PDHX: variants seen among roughly 807,000 people sequenced by gnomAD.
PDHX encodes the protein pyruvate dehydrogenase protein X component, mitochondrial.
In PDHX, 33 loss-of-function variants were observed where a neutral mutation model predicts 55.3. That is an observed-to-expected ratio of 0.60 (90% CI 0.45 to 0.80). PDHX has a LOEUF of 0.80. Among genes scored for constraint, PDHX ranks in the 30% least tolerant of loss-of-function variants. The pLI is 0.00. For synonymous variants in PDHX, 226 were observed against 219.4 expected (o/e 1.03, Z -0.27); for missense variants, 622 against 619.9 (o/e 1.00, Z -0.04).
rs1855228745 is a variant in PDHX, at chr11:34,970,204, T to G, written c.882T>G (p.Ser294=). The G allele has an allele frequency of 1.2e-6, 2 of 1,612,714 alleles. No homozygotes were observed. The highest frequency in any genetic ancestry group is 8.5e-7 in the Non-Finnish European group (1 of 1,178,820). The change falls in exon 7 of 11, where the codon TCT becomes TCG. Residue 294 remains serine, a synonymous_variant. Coordinates refer to ENST00000227868, the MANE Select transcript of PDHX (RefSeq NM_003477.3). The part of the protein sequence containing the change: ...RRVIAKRLTE[S]KSTVPHAYAT... ...TTATTGCCAAGAGATTAACTGAATC[T>G]AAAAGTACTGTACCTCATGCATATG...
rs1254874895 is a variant in PDHX, at chr11:34,984,587, T to C, written c.1041T>C (p.Asn347=). Residue 347 remains asparagine, a synonymous_variant, in exon 9 of 11, where the codon AAT becomes AAC. Coordinates refer to ENST00000227868, the MANE Select transcript of PDHX (RefSeq NM_003477.3). ...AVTLKQMPDV[N]VSWDGEGPKQ... ...ATTTCTAGCAAATGCCAGATGTTAA[T>C]GTAAGCTGGGATGGAGAGGGCCCAA... The C allele has an allele frequency of 1.2e-6, 2 of 1,614,102 alleles. No homozygotes were observed. Among genetic ancestry groups the C allele is most frequent in the Non-Finnish European group, 1.7e-6 (2 of 1,179,974 alleles).
intron 3 of PDHX, among the ~76,000 whole-genome samples, chr11:34,956,981 T>C (rs1186593520): frequency 1.3e-5 from 2 of 152,208 alleles, no homozygotes; most frequent in African/African-American, 2.4e-5. Flanking sequence ...TTCTGAGCTT[T>C]TAGAATTCTA....
At chr11:34,940,022 G>A (rs1854434611) in intron 2 of PDHX, among the ~76,000 whole-genome samples, 1 of 151,920 alleles carries the variant, frequency 6.6e-6, no homozygotes, top group African/African-American at 2.4e-5. Flanking sequence ...TTCATCAATT[G>A]AACTGTCAAA....
chr11:34,960,655 T>C (rs1590753078), intron 5 of PDHX, 137 bp downstream of exon 5: 3 of 591,506 alleles, frequency 5.1e-6, no homozygotes, highest in Non-Finnish European at 9.1e-6. Context: ...TTTTAATTGC[T>C]TTTATCATTG....
intron 6 of PDHX, among the ~76,000 whole-genome samples, chr11:34,967,870 C>G (rs1855169583): frequency 6.6e-6 from 1 of 152,074 alleles, no homozygotes; most frequent in Admixed American, 6.5e-5. Context: ...TAAGGACATG[C>G]AGTTGGATAA....
chr11:34,956,441 C>G (rs1266708621), intron 3 of PDHX, among the ~76,000 whole-genome samples: 3 of 152,006 alleles, frequency 2.0e-5, no homozygotes, highest in Non-Finnish European at 4.4e-5. Context: ...TTCTATTGTT[C>G]ATTAAATACA....
intron 1 of PDHX, among the ~76,000 whole-genome samples, chr11:34,928,660 A>G (rs534929201): frequency 6.6e-6 from 1 of 152,270 alleles, no homozygotes; most frequent in South Asian, 2.1e-4. Flanking sequence ...TTATCTCCAA[A>G]TGCATTCAGT....
intron 9 of PDHX, among the ~76,000 whole-genome samples, chr11:34,991,115 A>T (rs1243373611): frequency 6.6e-6 from 1 of 150,784 alleles, no homozygotes; most frequent in African/African-American, 2.5e-5. Flanking sequence ...AAGTGAGAGG[A>T]AAATTTAACT....
chr11:34,990,257 G>A (rs1855730127), intron 9 of PDHX, among the ~76,000 whole-genome samples: 3 of 152,162 alleles, frequency 2.0e-5, no homozygotes, highest in Admixed American at 2.0e-4. Flanking sequence ...TCGATGTATT[G>A]TAGAAATATT....
At position 34,984,556 on chromosome 11, in the gene PDHX, TTTTCTA is replaced by T; in HGVS notation, c.1024-7_1024-2del. On this transcript the variant is annotated splice_polypyrimidine_tract_variant and splice_region_variant and intron_variant, in intron 8 of 10. Coordinates refer to ENST00000227868, the MANE Select transcript of PDHX (RefSeq NM_003477.3). ...GCTGCTTTTTTAGTAACATTTTTCT[TTTTCTA>T]TTTCTAGCAAATGCCAGATGTTAAT... The T allele has an allele frequency of 1.2e-6, 2 of 1,613,586 alleles. No individual in the cohort carries two copies. Among genetic ancestry groups the T allele is most frequent in the East Asian group, 2.2e-5 (1 of 44,836 alleles).
chr11:34,966,585 T>A, intron 5 of PDHX, 55 bp from the exon 6 acceptor site: 1 of 1,541,726 alleles, frequency 6.5e-7, no homozygotes, highest in Non-Finnish European at 9.0e-7. Flanking sequence ...TTTCTGAAAG[T>A]TCTGTTATAT....
chr11:34,969,934 A>C (rs2133983799), intron 6 of PDHX, among the ~76,000 whole-genome samples: 1 of 152,298 alleles, frequency 6.6e-6, no homozygotes, highest in South Asian at 2.1e-4. Context: ...TTCTGTAGTT[A>C]TATGCTATAA....
rs536860838 is a variant in PDHX at position 34,944,037 on chromosome 11, T to C, written c.242-3469T>C. Among the ~76,000 whole-genome samples the C allele has an allele frequency of 1.7e-4, 25 of 149,544 alleles. No homozygotes were observed. The Admixed American group carries it at 1.7e-3, about 10-fold the overall frequency. On this transcript the variant is annotated intron_variant, in intron 2 of 10. Transcript: ENST00000227868. ...GCTGTATCCTCAGTGCCTACATATGTATATATATTTTATATGTAATATATA... is the reference window on the plus strand; with the variant it reads ...GCTGTATCCTCAGTGCCTACATATGCATATATATTTTATATGTAATATATA...
At chr11:34,933,346 A>G (rs11032935) in intron 2 of PDHX, among the ~76,000 whole-genome samples, 28,800 of 152,102 alleles carry the variant, frequency 0.19, 3,893 homozygotes, top group African/African-American at 0.39. Context: ...GCCCTAATAG[A>G]TTATAACTGA....
chr11:34,981,527 T>G (rs1481513229), intron 8 of PDHX, among the ~76,000 whole-genome samples: 3 of 152,196 alleles, frequency 2.0e-5, no homozygotes, highest in South Asian at 2.1e-4. Context: ...GTAAAGGGAT[T>G]GCTGGGTCAA....
intron 10 of PDHX, among the ~76,000 whole-genome samples, chr11:34,993,455 C>G (rs1855797492): frequency 6.6e-6 from 1 of 152,058 alleles, no homozygotes; most frequent in South Asian, 2.1e-4. Flanking sequence ...CACAATTCAA[C>G]TGAAATTGGA....
chr11:34,975,527 A>G (rs1307961292), intron 7 of PDHX, among the ~76,000 whole-genome samples: 2 of 152,080 alleles, frequency 1.3e-5, no homozygotes, highest in Non-Finnish European at 2.9e-5. Context: ...CAAAATATAT[A>G]TTTTTTATCT....
rs1854174126 is a variant in PDHX at position 34,931,610 on chromosome 11, GTAGT to G, written c.241+129_241+132del. The G allele has an allele frequency of 1.2e-5, 8 of 649,188 alleles. No individual in the cohort carries two copies. The East Asian group carries it at 2.0e-4, about 16-fold the overall frequency. The allele number at this position is 649,188 out of a possible 1,614,324, so 40.2% of individuals were successfully genotyped here. A position where few individuals can be genotyped will look rare whatever the true frequency, so the allele number is the denominator to read the frequency against. ...AAATTAAATAAATTGTGTTCCTTTGGTAGTTAATGTAAGTTTGGTTGAATAAAAT... is the reference window on the plus strand; with the variant it reads ...AAATTAAATAAATTGTGTTCCTTTGGTAATGTAAGTTTGGTTGAATAAAAT... On this transcript the variant is annotated intron_variant, in intron 2 of 10. Transcript: ENST00000227868.
intron 3 of PDHX, 93 bp downstream of exon 3, chr11:34,947,699 AT>A: frequency 1.2e-6 from 1 of 832,622 alleles, no homozygotes; most frequent in Non-Finnish European, 2.1e-6. Context: ...TTGCCTCCTT[AT>A]TTTTAATGTG....
Sources: allele counts gnomAD v4.1 joint callset (sites outside exome capture counted in the v4.1 genomes callset), GRCh38; gene constraint gnomAD v4.1.1; transcripts MANE v1.5; gene names NCBI Gene and HGNC (gene_info 2026-07-23, HGNC 2026-07-21).